The following NUP98 variants were observed in gnomAD, a reference collection of about 807,000 sequenced individuals.
The protein encoded by NUP98 is nuclear pore complex protein Nup98-Nup96.
A neutral mutation model predicts 191.9 loss-of-function variants in NUP98; 26 were observed. The observed-to-expected ratio is 0.14, with a 90% confidence interval of 0.10 to 0.19. The LOEUF (loss-of-function observed/expected upper bound fraction) is 0.19, where lower values mean the gene tolerates loss of function less well. Among genes scored for constraint, NUP98 ranks in the 10% least tolerant of loss-of-function variants. NUP98 has a pLI of 1.00. For synonymous variants in NUP98, 808 were observed against 778.4 expected (o/e 1.04, Z -0.63); for missense variants, 1,941 against 2,178.8 (o/e 0.89, Z 2.17).
At chr11:3,759,772 T>TA (rs556053138) in intron 10 of NUP98, among the ~76,000 whole-genome samples, 5 of 151,392 alleles carry the variant, frequency 3.3e-5, no homozygotes, top group African/African-American at 1.2e-4. Context: ...TTTGAAACCG[T>TA]AAAAAATAAA....
intron 1 of NUP98, among the ~76,000 whole-genome samples, chr11:3,792,602 C>A (rs529671320): frequency 1.2e-4 from 18 of 152,178 alleles, no homozygotes; most frequent in African/African-American, 4.3e-4. Flanking sequence ...CAAAGCAAGA[C>A]TCTGTCTCAA....
intron 20 of NUP98, among the ~76,000 whole-genome samples, chr11:3,710,429 G>C (rs1156651545): frequency 6.6e-6 from 1 of 152,058 alleles, no homozygotes; most frequent in Non-Finnish European, 1.5e-5. Flanking sequence ...CGAGGCTTAA[G>C]AACCAACTGG....
At chr11:3,703,551 C>T (rs1376315027) in intron 22 of NUP98, among the ~76,000 whole-genome samples, 1 of 152,016 alleles carries the variant, frequency 6.6e-6, no homozygotes, top group Non-Finnish European at 1.5e-5. Flanking sequence ...TATTATCATT[C>T]CTATTGTATA....
intron 11 of NUP98, 95 bp from the exon 12 acceptor site, chr11:3,744,744 C>T: frequency 7.2e-7 from 1 of 1,384,512 alleles, no homozygotes; most frequent in South Asian, 1.5e-5. Context: ...CATTTGGAAA[C>T]TTCATAGTGA....
chr11:3,698,881 T>C (rs920184447), intron 25 of NUP98: 4 of 615,742 alleles, frequency 6.5e-6, no homozygotes, highest in Admixed American at 6.0e-5. Flanking sequence ...GTTTAGGACC[T>C]TAAACATTGT....
chr11:3,762,279 G>T (rs1347180089), intron 9 of NUP98, among the ~76,000 whole-genome samples: 8 of 142,106 alleles, frequency 5.6e-5, no homozygotes, highest in East Asian at 4.1e-4. Context: ...CCAGCTAGTG[G>T]TTTTTTTTTT....
At chr11:3,700,191 T>A (rs1026345921) in intron 24 of NUP98, among the ~76,000 whole-genome samples, 2 of 135,240 alleles carry the variant, frequency 1.5e-5, no homozygotes, top group Non-Finnish European at 3.0e-5. Flanking sequence ...CTGTCTCTAC[T>A]AAGAATACAA....
At position 3,716,336 on chromosome 11, in the gene NUP98, T is replaced by C. The variant is rs530533000; in HGVS notation, c.2400-2341A>G. On this transcript the variant is annotated intron_variant, in intron 18 of 32. Coordinates refer to ENST00000324932, the MANE Select transcript of NUP98 (RefSeq NM_016320.5). The stretch of plus-strand genomic sequence containing the variant: ...AAGAGACTGTCTTCTCCCGATCAAA[T>C]AATTTTTTTTTTTTTTAGTTTTTTT... 4.0e-5 allele frequency among the ~76,000 whole-genome samples: 6 copies of C among 151,140 alleles called. No homozygotes were observed. In the South Asian group the frequency reaches 1.0e-3, roughly 26 times the overall value.
intron 21 of NUP98, 37 bp from the exon 22 acceptor site, chr11:3,705,393 C>T: frequency 6.2e-7 from 1 of 1,601,062 alleles, no homozygotes; most frequent in Non-Finnish European, 8.5e-7. Flanking sequence ...ATGTGCTTCC[C>T]AGAATCAAAA....
chr11:3,712,052 TA>T, intron 20 of NUP98: 1 of 1,049,162 alleles, frequency 9.5e-7, no homozygotes, highest in Non-Finnish European at 1.2e-6. Context: ...ATTCCCAAAC[TA>T]TTTTTCATAA....
intron 20 of NUP98, among the ~76,000 whole-genome samples, chr11:3,708,182 C>A (rs1034453436): frequency 1.3e-5 from 2 of 152,194 alleles, no homozygotes; most frequent in African/African-American, 4.8e-5. Context: ...TAGCACATCA[C>A]TAAGTTCAAC....
chr11:3,689,375 A>G (rs985350069), intron 28 of NUP98, among the ~76,000 whole-genome samples: 3 of 151,890 alleles, frequency 2.0e-5, no homozygotes, highest in Non-Finnish European at 2.9e-5. Flanking sequence ...AAATACAAAA[A>G]AATTAGCTGG....
chr11:3,752,518 AAAATAAATAAAT>A lies in NUP98; in HGVS notation c.1267+786_1267+797del, dbSNP rs3061901. ...AACGACAGAGTGAGACTCCATCTCC[AAAATAAATAAAT>A]AAATAAATAAATAAATAAAAAAGAA... is the stretch of plus-strand genomic sequence containing the variant. On this transcript the variant is annotated intron_variant, in intron 11 of 32. Coordinates refer to ENST00000324932, the MANE Select transcript of NUP98 (RefSeq NM_016320.5). Among the ~76,000 whole-genome samples, 10 of 147,562 alleles carry A rather than the reference AAAATAAATAAAT, an allele frequency of 6.8e-5. No homozygotes were observed. The South Asian group carries it at 1.5e-3, about 22-fold the overall frequency.
intron 17 of NUP98, 141 bp from the exon 18 acceptor site, chr11:3,719,691 G>C: frequency 2.0e-6 from 1 of 507,320 alleles, no homozygotes; most frequent in Non-Finnish European, 3.2e-6. Context: ...TCCTAGACTG[G>C]TAAGAATGGG....
At chr11:3,720,949 A>T in intron 16 of NUP98, 124 bp from the exon 17 acceptor site, 2 of 557,422 alleles carry the variant, frequency 3.6e-6, no homozygotes, top group Non-Finnish European at 6.4e-6. Context: ...TCTACCAAAC[A>T]TGATTCCTAG....
chr11:3,716,340 T>G (rs2079180582), intron 18 of NUP98, among the ~76,000 whole-genome samples: 1 of 131,064 alleles, frequency 7.6e-6, no homozygotes, highest in Admixed American at 7.6e-5. Context: ...ATCAAATAAT[T>G]TTTTTTTTTT....
Position 3,725,172 on chromosome 11 carries a change from A to C in NUP98, c.1778T>G (p.Leu593Arg). Residue 593 changes from leucine to arginine, a missense_variant, in exon 15 of 33, where the codon CTC (leucine) becomes CGC (arginine). Transcript: ENST00000324932. ...LVLKNLNNSN[L>R]FSPVNRDSEN... ...TGAATCACGATTAACAGGAGAAAAGAGATTGCTATTATTAAGGTTCTTCAA... is the reference window on the plus strand; with the variant it reads ...TGAATCACGATTAACAGGAGAAAAGCGATTGCTATTATTAAGGTTCTTCAA... 1 of 1,601,982 alleles carries C rather than the reference A, an allele frequency of 6.2e-7. No individual in the cohort carries two copies. The highest frequency in any genetic ancestry group is 8.5e-7 in the Non-Finnish European group (1 of 1,170,380).
intron 28 of NUP98, among the ~76,000 whole-genome samples, chr11:3,688,820 C>CATATATATAT (rs71041372): frequency 0.025 from 3,379 of 136,090 alleles, 55 homozygotes; most frequent in South Asian, 0.041. Context: ...TTTAAATATA[C>CATATATATAT]ATATATATAT....
intron 16 of NUP98, among the ~76,000 whole-genome samples, chr11:3,721,772 T>C (rs2079411256): frequency 6.6e-6 from 1 of 151,378 alleles, no homozygotes; most frequent in Non-Finnish European, 1.5e-5. Flanking sequence ...AATACCAAAA[T>C]AAAAAAAGCA....
Sources: allele counts gnomAD v4.1 joint callset (sites outside exome capture counted in the v4.1 genomes callset), GRCh38; gene constraint gnomAD v4.1.1; transcripts MANE v1.5; gene names NCBI Gene and HGNC (gene_info 2026-07-23, HGNC 2026-07-21).